PRKN: variants seen among roughly 807,000 people sequenced by gnomAD.
PRKN encodes parkin RBR E3 ubiquitin protein ligase, also known as E3 ubiquitin-protein ligase parkin.
Under a neutral mutation model 59.5 loss-of-function variants are expected in PRKN, and 56 were observed. That is an observed-to-expected ratio of 0.94 (90% CI 0.76 to 1.18). The LOEUF (loss-of-function observed/expected upper bound fraction) is 1.18. Among genes scored for constraint, PRKN ranks in the 50% most tolerant of loss-of-function variants. The pLI is 0.00. For missense variants in PRKN, 657 were observed against 596.4 expected, an observed-to-expected ratio of 1.10 and a Z score of -1.06; for synonymous variants, 250 against 222.1, an observed-to-expected ratio of 1.13 and a Z score of -1.12.
intron 9 of PRKN, among the ~76,000 whole-genome samples, chr6:161,495,519 G>A (rs532291648): frequency 6.6e-6 from 1 of 152,336 alleles, no homozygotes; most frequent in Admixed American, 6.5e-5. Flanking sequence ...AAAGTGAAGC[G>A]TGCCATTTCT....
intron 5 of PRKN, among the ~76,000 whole-genome samples, chr6:161,995,328 CA>C (rs1781801380): frequency 6.6e-6 from 1 of 151,990 alleles, no homozygotes; most frequent in Admixed American, 6.6e-5. Context: ...TAGAAGAAAA[CA>C]AGGAAAACAT....
At chr6:161,501,697 C>T (rs934969069) in intron 9 of PRKN, among the ~76,000 whole-genome samples, 13 of 152,110 alleles carry the variant, frequency 8.5e-5, no homozygotes, top group South Asian at 2.1e-4. Flanking sequence ...TTGTACTCCA[C>T]GCCTCTCAGA....
intron 1 of PRKN, among the ~76,000 whole-genome samples, chr6:162,498,065 A>G (rs1313144173): frequency 6.6e-6 from 1 of 152,176 alleles, no homozygotes; most frequent in African/African-American, 2.4e-5. Context: ...GGAAAAAAAC[A>G]CCATTTAAAT....
intron 1 of PRKN, among the ~76,000 whole-genome samples, chr6:162,653,073 G>T (rs1428219419): frequency 6.6e-6 from 1 of 152,140 alleles, no homozygotes; most frequent in Non-Finnish European, 1.5e-5. Context: ...ATTACTAGCT[G>T]TCATAAACAA....
intron 6 of PRKN, among the ~76,000 whole-genome samples, chr6:161,849,053 G>A (rs1295187395): frequency 1.3e-5 from 2 of 152,306 alleles, no homozygotes; most frequent in East Asian, 3.9e-4. Flanking sequence ...AGTTCCAGAT[G>A]AGGTGCTAGA....
chr6:161,522,038 C>T (rs528477124), intron 9 of PRKN, among the ~76,000 whole-genome samples: 73 of 152,114 alleles, frequency 4.8e-4, no homozygotes, highest in Non-Finnish European at 8.5e-4. Flanking sequence ...GGTGGCAGAA[C>T]GGATGTGGAC....
Position 162,444,376 on chromosome 6 carries a change from A to C in PRKN, c.8-903T>G, listed in dbSNP as rs377020986. Among the ~76,000 whole-genome samples the C allele has an allele frequency of 1.4e-3, 217 of 152,110 alleles. 6 individuals carry two copies. In the South Asian group the frequency reaches 0.044, roughly 31 times the overall value. On this transcript the variant is annotated intron_variant, in intron 1 of 11. Transcript: ENST00000366898. Reference sequence around the variant, plus strand: ...ACACCACTCAAATCCTTTAAGTCTCACACTGTCGGCTGGTGAGGAAAGACT... The same window carrying C: ...ACACCACTCAAATCCTTTAAGTCTCCCACTGTCGGCTGGTGAGGAAAGACT...
intron 9 of PRKN, among the ~76,000 whole-genome samples, chr6:161,435,820 C>T (rs991637898): frequency 3.6e-5 from 5 of 139,972 alleles, no homozygotes; most frequent in African/African-American, 1.4e-4. Flanking sequence ...GAAAACTCCT[C>T]CAGGATTTCC....
chr6:161,992,420 A>G (rs1015968600), intron 5 of PRKN, among the ~76,000 whole-genome samples: 4 of 152,232 alleles, frequency 2.6e-5, no homozygotes, highest in Admixed American at 1.3e-4. Flanking sequence ...AACAATTCTA[A>G]ATATATGTGT....
chr6:161,710,426 C>T (rs74751572), intron 7 of PRKN, among the ~76,000 whole-genome samples: 3,252 of 152,302 alleles, frequency 0.021, 42 homozygotes, highest in Non-Finnish European at 0.033. Context: ...TGGAACATGA[C>T]ACCATCATAA....
chr6:161,735,850 G>T (rs751238630), intron 7 of PRKN, among the ~76,000 whole-genome samples: 23 of 152,204 alleles, frequency 1.5e-4, no homozygotes, highest in African/African-American at 5.5e-4. Context: ...GGGAGGCAGA[G>T]GTTGTGGTGA....
chr6:162,423,774 A>G (rs967438689), intron 2 of PRKN, among the ~76,000 whole-genome samples: 1 of 152,158 alleles, frequency 6.6e-6, no homozygotes, highest in East Asian at 1.9e-4. Context: ...ACCATTAATT[A>G]TACTAAATAA....
rs953596089 is a variant in PRKN, at chr6:161,401,474, G to T, written c.1084-14597C>A. Reference sequence around the variant, plus strand: ...AAAAATACAAAAACGTTAGCTGGGCGTGGTGGTGGACGCCTGTAATCCCAG... The same window carrying T: ...AAAAATACAAAAACGTTAGCTGGGCTTGGTGGTGGACGCCTGTAATCCCAG... On this transcript the variant is annotated intron_variant, in intron 9 of 11. Coordinates refer to ENST00000366898, the MANE Select transcript of PRKN (RefSeq NM_004562.3). The surrounding 1 kb of genome is among the most constrained non-coding windows in gnomAD (Gnocchi z 4.4). Among the ~76,000 whole-genome samples, 1 of 152,012 alleles carries T rather than the reference G, an allele frequency of 6.6e-6. No homozygotes were observed. Among genetic ancestry groups the T allele is most frequent in the Admixed American group, 6.6e-5 (1 of 15,260 alleles).
At chr6:162,512,180 AC>A (rs1408229245) in intron 1 of PRKN, among the ~76,000 whole-genome samples, 1 of 152,196 alleles carries the variant, frequency 6.6e-6, no homozygotes, top group Non-Finnish European at 1.5e-5. Flanking sequence ...CACTTTCCTT[AC>A]AGCTTCTCCT....
chr6:161,873,551 C>T (rs1216400367), intron 6 of PRKN, among the ~76,000 whole-genome samples: 1 of 151,870 alleles, frequency 6.6e-6, no homozygotes, highest in African/African-American at 2.4e-5. Context: ...ACGAGTCACA[C>T]TGACAGCCAG....
intron 6 of PRKN, among the ~76,000 whole-genome samples, chr6:161,836,010 G>A (rs570792282): frequency 2.0e-4 from 30 of 152,190 alleles, no homozygotes; most frequent in African/African-American, 7.2e-4. Flanking sequence ...TATATTCAAT[G>A]GCTTTTTGCC....
At chr6:162,263,473 C>T (rs965962107) in intron 2 of PRKN, among the ~76,000 whole-genome samples, 3 of 152,146 alleles carry the variant, frequency 2.0e-5, no homozygotes, top group Admixed American at 6.6e-5. Flanking sequence ...TCTTGCCACC[C>T]AGGGTTCATT....
At chr6:162,520,850 G>A (rs1048419656) in intron 1 of PRKN, among the ~76,000 whole-genome samples, 7 of 150,960 alleles carry the variant, frequency 4.6e-5, no homozygotes, top group African/African-American at 1.2e-4. Flanking sequence ...AATGACTTTC[G>A]CTAAGCAAAT....
chr6:161,369,284 ACT>A lies in PRKN; in HGVS notation c.1168-9081_1168-9080del, dbSNP rs1330873938. ...AAATGATCCCAAGGCTTGTGTCCAGACTCTGGAGATTGGGATTCAGTAGGTCT... is the reference window on the plus strand; with the variant it reads ...AAATGATCCCAAGGCTTGTGTCCAGACTGGAGATTGGGATTCAGTAGGTCT... On this transcript the variant is annotated intron_variant, in intron 10 of 11. Transcript: ENST00000366898. The surrounding 1 kb of genome is among the most constrained non-coding windows in gnomAD (Gnocchi z 5.8). 6.6e-6 allele frequency among the ~76,000 whole-genome samples: 1 copy of A among 152,058 alleles called. No individual in the cohort carries two copies. Among genetic ancestry groups the A allele is most frequent in the Non-Finnish European group, 1.5e-5 (1 of 68,024 alleles).
Sources: allele counts gnomAD v4.1 joint callset (sites outside exome capture counted in the v4.1 genomes callset), GRCh38; gene constraint gnomAD v4.1.1; non-coding constraint Gnocchi (gnomAD v3.1); transcripts MANE v1.5; gene names NCBI Gene and HGNC (gene_info 2026-07-23, HGNC 2026-07-21).